Variants in NPRL3 observed in about 807,000 individuals in gnomAD.
NPRL3 encodes the protein NPR3 like, GATOR1 complex subunit, also known as GATOR1 complex protein NPRL3.
Under a neutral mutation model 57.2 loss-of-function variants are expected in NPRL3, and 23 were observed. The ratio of observed to expected loss-of-function variants is 0.40; its 90% CI spans 0.29 to 0.57. The LOEUF is 0.57. Among genes scored for constraint, NPRL3 ranks in the 20% least tolerant of loss-of-function variants. The probability of loss-of-function intolerance (pLI) is 0.42; values close to 1 mark genes in which losing one functional copy is unlikely to be tolerated. For missense variants in NPRL3, 691 were observed against 767.1 expected (o/e 0.90, Z 1.17); for synonymous variants, 333 against 321.1 (o/e 1.04, Z -0.39).
chr16:110,384 C>T (rs1420947460), intron 7 of NPRL3, 141 bp downstream of exon 7: 4 of 581,714 alleles, frequency 6.9e-6, no homozygotes, highest in Non-Finnish European at 1.2e-5. Context: ...CTCTCCGGCC[C>T]TAACCTCAGG....
At chr16:102,222 G>A (rs12927713) in intron 7 of NPRL3, among the ~76,000 whole-genome samples, 57,329 of 152,032 alleles carry the variant, frequency 0.38, 12,096 homozygotes, top group Non-Finnish European at 0.49. Context: ...AAGCCAGGGC[G>A]CCACCCAACT....
intron 3 of NPRL3, among the ~76,000 whole-genome samples, chr16:122,158 G>A (rs777525146): frequency 2.6e-5 from 4 of 151,924 alleles, no homozygotes; most frequent in South Asian, 2.1e-4. Context: ...GTGTAATGGC[G>A]CAATCTCGGC....
In NPRL3 at chr16:92,665, A is replaced by C. The variant is rs745552693; in HGVS notation, c.1092T>G (p.Val364=). The part of the protein sequence containing the change: ...HQFPSHDLPS[V]LAKFSLPVSL... ...AGACCGGCAAGGAGAACTTGGCAAG[A>C]ACGGACGGCAGGTCATGAGATGGGA... Residue 364 remains valine (V), a synonymous_variant, in exon 11 of 14, where the codon GTT becomes GTG. Coordinates refer to ENST00000611875, the MANE Select transcript of NPRL3 (RefSeq NM_001077350.3). The C allele has an allele frequency of 1.9e-6, 3 of 1,613,870 alleles. No homozygotes were observed. In the Admixed American group the frequency reaches 5.0e-5, roughly 27 times the overall value.
At chr16:107,894 C>G (rs902109508) in intron 7 of NPRL3, among the ~76,000 whole-genome samples, 1 of 152,192 alleles carries the variant, frequency 6.6e-6, no homozygotes, top group African/African-American at 2.4e-5. Flanking sequence ...GAGGCATACA[C>G]TCAGAATAAG....
At position 89,852 on chromosome 16, in the gene NPRL3, G is replaced by C; in HGVS notation, c.1212C>G (p.Ile404Met). 2 of 1,572,872 alleles carry C rather than the reference G, an allele frequency of 1.3e-6. No homozygotes were observed. The highest frequency in any genetic ancestry group is 1.7e-6 in the Non-Finnish European group (2 of 1,160,562). Reference protein sequence around the residue: ...VVWMLQRRLLIQLHTYVCLMA... With the variant: ...VVWMLQRRLLMQLHTYVCLMA... ...TCAGGCAGACATAGGTGTGCAGCTGGATGAGAAGCCGGCGCTGCAGCATCC... is the reference window on the plus strand; with the variant it reads ...TCAGGCAGACATAGGTGTGCAGCTGCATGAGAAGCCGGCGCTGCAGCATCC... The change falls in exon 12 of 14, where the codon ATC becomes ATG. Residue 404 changes from isoleucine (I) to methionine (M), a missense_variant. Transcript: ENST00000611875.
chr16:92,392 G>C, intron 11 of NPRL3, among the ~76,000 whole-genome samples: 1 of 152,208 alleles, frequency 6.6e-6, no homozygotes, highest in African/African-American at 2.4e-5. Context: ...CAAGTGTTGG[G>C]TCACTGGCCA....
Position 86,708 on chromosome 16 carries a change from G to A in NPRL3, c.1707C>T (p.Pro569=), listed in dbSNP as rs1567127414. 1.3e-6 allele frequency: 2 copies of A among 1,553,270 alleles called. No homozygotes were observed. The highest frequency in any genetic ancestry group is 1.2e-5 in the South Asian group (1 of 84,318). The part of the protein sequence containing the change: ...PVIAVFQALL[P] ...GCCTTCCGCCCTCCGCCTGGGCTCA[G>A]GGGAGCAGAGCCTGGAAGACGGCAA... is the stretch of plus-strand genomic sequence containing the variant. The change falls in exon 14 of 14, where the codon CCC becomes CCT. Residue 569 remains proline (P), a synonymous_variant. Coordinates refer to ENST00000611875, the MANE Select transcript of NPRL3 (RefSeq NM_001077350.3).
chr16:102,272 C>A (rs1269812720), intron 7 of NPRL3, among the ~76,000 whole-genome samples: 1 of 152,202 alleles, frequency 6.6e-6, no homozygotes, highest in African/African-American at 2.4e-5. Flanking sequence ...TAAGTAAGAG[C>A]CAACAGCACT....
chr16:88,672 G>A (rs1215967593), intron 13 of NPRL3, 26 bp downstream of exon 13: 1 of 1,588,942 alleles, frequency 6.3e-7, no homozygotes, highest in Non-Finnish European at 8.6e-7. Context: ...ACTGGCCCCA[G>A]TCCCAACGGG....
intron 2 of NPRL3, among the ~76,000 whole-genome samples, chr16:135,916 T>G (rs1384634233): frequency 6.6e-6 from 1 of 152,124 alleles, no homozygotes; most frequent in African/African-American, 2.4e-5. Flanking sequence ...AGGTTATAAA[T>G]AAGTCATTCA....
rs1166076192 is a variant in NPRL3, at chr16:93,133, AAC to A, written c.1031+84_1031+85del. 4.4e-4 allele frequency: 397 copies of A among 898,534 alleles called. 6 individuals are homozygous for A. In the East Asian group the frequency reaches 0.01, roughly 23 times the overall value. 55.7% of individuals were successfully genotyped at this position (898,534 alleles called of 1,614,324 possible). ...CTTCCACAGCCTTTGGTGCCTGGCCAACACAGAGAACAGCATCTGGAGGGCCC... is the reference window on the plus strand; with the variant it reads ...CTTCCACAGCCTTTGGTGCCTGGCCAACAGAGAACAGCATCTGGAGGGCCC... On this transcript the variant is annotated intron_variant, in intron 10 of 13. Transcript: ENST00000611875.
chr16:115,234 C>T (rs934888691), intron 5 of NPRL3, among the ~76,000 whole-genome samples: 2 of 151,464 alleles, frequency 1.3e-5, no homozygotes, highest in Admixed American at 6.6e-5. Flanking sequence ...CTTGGCCTCC[C>T]GAAGTGCTAG....
intron 7 of NPRL3, among the ~76,000 whole-genome samples, chr16:106,947 G>A (rs1899557750): frequency 6.6e-6 from 1 of 152,186 alleles, no homozygotes; most frequent in Non-Finnish European, 1.5e-5. Context: ...CTGGGTGGCT[G>A]CAGAGCCATG....
At chr16:95,073 G>A (rs1475921435) in intron 9 of NPRL3, among the ~76,000 whole-genome samples, 1 of 151,920 alleles carries the variant, frequency 6.6e-6, no homozygotes, top group Non-Finnish European at 1.5e-5. Context: ...CCACATCGCT[G>A]CCTCTTTTTA....
intron 10 of NPRL3, 196 bp downstream of exon 10, chr16:93,023 C>T: frequency 1.6e-6 from 1 of 618,314 alleles, no homozygotes; most frequent in Non-Finnish European, 2.9e-6. Flanking sequence ...ACAGGAGAGC[C>T]ACAGAGCACA....
At chr16:99,272 A>G (rs1234438822) in intron 8 of NPRL3, among the ~76,000 whole-genome samples, 1 of 152,218 alleles carries the variant, frequency 6.6e-6, no homozygotes, top group Non-Finnish European at 1.5e-5. Context: ...TATTTTTATA[A>G]TTAAAAAATG....
chr16:107,222 G>A (rs1475550893), intron 7 of NPRL3, among the ~76,000 whole-genome samples: 1 of 152,142 alleles, frequency 6.6e-6, no homozygotes. Context: ...GGTGGCGCTG[G>A]GTTGCCTCAA....
rs1567142635 is a variant in NPRL3, at chr16:119,085, T to TGCCCAGGGAGAGCCCCAC, written c.318+40_318+41insGTGGGGCTCTCCCTGGGC. 1.1e-5 allele frequency: 16 copies of TGCCCAGGGAGAGCCCCAC among 1,523,674 alleles called. No individual in the cohort carries two copies. In the Admixed American group the frequency reaches 1.9e-4, roughly 18 times the overall value. The allele number at this position is 1,523,674 out of a possible 1,614,324, so 94.4% of individuals were successfully genotyped here. On this transcript the variant is annotated intron_variant, in intron 4 of 13. Transcript: ENST00000611875. ...CCACACCTGCCCAAGGAGAGCCACA[T>TGCCCAGGGAGAGCCCCAC]CTGCCCAGGGAGAGCCCCACCTGCC...
intron 11 of NPRL3, among the ~76,000 whole-genome samples, chr16:92,318 G>A (rs1020460315): frequency 1.3e-5 from 2 of 152,176 alleles, no homozygotes; most frequent in Admixed American, 6.5e-5. Flanking sequence ...TGCTTAACTC[G>A]GTTCTAACAC....
Sources: gnomAD v4.1 joint callset for allele counts (sites outside exome capture counted in the v4.1 genomes callset) on GRCh38, gnomAD v4.1.1 for gene constraint, MANE v1.5 for transcripts, NCBI Gene and HGNC (gene_info 2026-07-23, HGNC 2026-07-21) for gene names.